The following CNTN4 variants were observed in gnomAD, a reference collection of about 807,000 sequenced individuals.
CNTN4 encodes the protein contactin 4, also known as contactin-4.
In CNTN4, 77 loss-of-function variants were observed where a neutral mutation model predicts 122.5. That is an observed-to-expected ratio of 0.63 (90% confidence interval 0.52 to 0.76). CNTN4 has a LOEUF of 0.76. Ranked by LOEUF, CNTN4 falls within the 30% of genes least tolerant of loss-of-function variation. The pLI, the probability that CNTN4 is intolerant of heterozygous loss-of-function variation, is 0.00. For missense variants in CNTN4, 1,256 were observed against 1,259.1 expected, an observed-to-expected ratio of 1.00 and a Z score of 0.04; for synonymous variants, 512 against 447.0, an observed-to-expected ratio of 1.15 and a Z score of -1.83.
intron 3 of CNTN4, among the ~76,000 whole-genome samples, chr3:2,564,950 T>G (rs968330347): frequency 8.5e-5 from 13 of 152,148 alleles, no homozygotes; most frequent in Non-Finnish European, 1.5e-4. Flanking sequence ...GGCTTTTATT[T>G]CAGAGGATTT....
chr3:2,353,824 G>C (rs200744412), intron 3 of CNTN4, among the ~76,000 whole-genome samples: 1 of 152,024 alleles, frequency 6.6e-6, no homozygotes, highest in African/African-American at 2.4e-5. Flanking sequence ...GCGGGAACCC[G>C]GGAGGCGGAG....
intron 3 of CNTN4, among the ~76,000 whole-genome samples, chr3:2,570,662 C>G (rs897646650): frequency 1.3e-5 from 2 of 152,110 alleles, no homozygotes; most frequent in African/African-American, 4.8e-5. Flanking sequence ...GCCTCCATTC[C>G]TCAGAATAAC....
At chr3:2,544,117 C>G (rs2078142445) in intron 3 of CNTN4, among the ~76,000 whole-genome samples, 1 of 152,122 alleles carries the variant, frequency 6.6e-6, no homozygotes, top group African/African-American at 2.4e-5. Flanking sequence ...CTGATACTAC[C>G]TGTAATCCTA....
chr3:3,004,856 A>G (rs1574790383), intron 14 of CNTN4, among the ~76,000 whole-genome samples: 2 of 152,316 alleles, frequency 1.3e-5, no homozygotes, highest in Non-Finnish European at 2.9e-5. Context: ...CCACTGGGGC[A>G]GTGGTCCTGT....
intron 2 of CNTN4, among the ~76,000 whole-genome samples, chr3:2,141,040 C>T (rs949712852): frequency 6.6e-6 from 1 of 152,188 alleles, no homozygotes; most frequent in Non-Finnish European, 1.5e-5. Flanking sequence ...ATTACTTACT[C>T]CTGTTCTTCA....
chr3:2,781,979 T>TC (rs1425309638), intron 6 of CNTN4, among the ~76,000 whole-genome samples: 1 of 151,394 alleles, frequency 6.6e-6, no homozygotes, highest in African/African-American at 2.4e-5. Context: ...CGCCTCGGCC[T>TC]CCCAAAGTGC....
At chr3:2,605,087 G>A (rs886801839) in intron 4 of CNTN4, among the ~76,000 whole-genome samples, 1 of 152,178 alleles carries the variant, frequency 6.6e-6, no homozygotes, top group African/African-American at 2.4e-5. Flanking sequence ...GTTCACGGCA[G>A]CCTCGAACTG....
chr3:2,755,663 T>G (rs971452628), intron 6 of CNTN4, among the ~76,000 whole-genome samples: 5 of 152,198 alleles, frequency 3.3e-5, no homozygotes, highest in African/African-American at 1.2e-4. Flanking sequence ...TACTTTCTTT[T>G]GGTCATCCCA....
chr3:2,263,172 C>T (rs2040906870), intron 2 of CNTN4, among the ~76,000 whole-genome samples: 1 of 152,138 alleles, frequency 6.6e-6, no homozygotes, highest in Admixed American at 6.6e-5. Flanking sequence ...GTATTTTGCT[C>T]TCAAACATTA....
chr3:2,172,231 A>C (rs145678924), intron 2 of CNTN4, among the ~76,000 whole-genome samples: 8 of 152,348 alleles, frequency 5.3e-5, no homozygotes, highest in Non-Finnish European at 7.4e-5. Flanking sequence ...ATAAAAAAAA[A>C]CGAAATAATG....
chr3:2,148,323 CA>C (rs2035340649), intron 2 of CNTN4, among the ~76,000 whole-genome samples: 1 of 151,814 alleles, frequency 6.6e-6, no homozygotes, highest in African/African-American at 2.4e-5. Flanking sequence ...CGCTTGAGCC[CA>C]GGAGTTTGAG....
intron 4 of CNTN4, among the ~76,000 whole-genome samples, chr3:2,649,640 G>T (rs575894725): frequency 2.0e-5 from 3 of 152,158 alleles, no homozygotes; most frequent in African/African-American, 7.2e-5. Flanking sequence ...ATTAGGAGAT[G>T]TATATTGTTA....
At chr3:2,574,197 C>CTCAGGAAGGAAGGAAGGCAAGG (rs1559255069) in intron 4 of CNTN4, among the ~76,000 whole-genome samples, 2 of 152,158 alleles carry the variant, frequency 1.3e-5, no homozygotes, top group African/African-American at 4.8e-5. Flanking sequence ...GCCTGGGCAA[C>CTCAGGAAGGAAGGAAGGCAAGG]AAGAGTGAAA....
At chr3:2,956,380 G>A (rs1444682375) in intron 13 of CNTN4, among the ~76,000 whole-genome samples, 1 of 152,018 alleles carries the variant, frequency 6.6e-6, no homozygotes, top group East Asian at 1.9e-4. Flanking sequence ...TTGCACAACA[G>A]TGTGACTGTA....
At chr3:3,003,684 CAAAA>C (rs58290160) in intron 14 of CNTN4, among the ~76,000 whole-genome samples, 13,725 of 77,950 alleles carry the variant, frequency 0.18, 1,102 homozygotes, top group African/African-American at 0.31. Flanking sequence ...ATGGTTGCAC[CAAAA>C]AAAAAAAAAA....
At chr3:2,213,547 A>G (rs1327122259) in intron 2 of CNTN4, among the ~76,000 whole-genome samples, 1 of 152,214 alleles carries the variant, frequency 6.6e-6, no homozygotes, top group Non-Finnish European at 1.5e-5. Flanking sequence ...ACCAAGAAGT[A>G]GCAATCAGCA....
intron 3 of CNTN4, among the ~76,000 whole-genome samples, chr3:2,485,244 C>A (rs1323600188): frequency 1.3e-5 from 2 of 152,244 alleles, no homozygotes; most frequent in Non-Finnish European, 2.9e-5. Flanking sequence ...GCACCTCCCC[C>A]TGCTCCGCGG....
intron 3 of CNTN4, among the ~76,000 whole-genome samples, chr3:2,379,201 T>C (rs190194713): frequency 6.6e-6 from 1 of 152,320 alleles, no homozygotes; most frequent in East Asian, 1.9e-4. Flanking sequence ...TTTATTTCAC[T>C]TTTCTTTTTT....
chr3:2,211,269 A>G (rs1356923483), intron 2 of CNTN4, among the ~76,000 whole-genome samples: 2 of 152,230 alleles, frequency 1.3e-5, no homozygotes, highest in East Asian at 3.9e-4. Flanking sequence ...GACAACAGCA[A>G]GCCATGAGGG....
Sources: gnomAD v4.1 joint callset for allele counts (sites outside exome capture counted in the v4.1 genomes callset) on GRCh38, gnomAD v4.1.1 for gene constraint, MANE v1.5 for transcripts, NCBI Gene and HGNC (gene_info 2026-07-23, HGNC 2026-07-21) for gene names.